Variants in LIMCH1 observed in about 807,000 individuals in gnomAD.
LIMCH1 encodes LIM and calponin homology domains 1.
A neutral mutation model predicts 176.5 loss-of-function variants in LIMCH1; 113 were observed. That is an observed-to-expected ratio of 0.64 (90% CI 0.55 to 0.75). LIMCH1 has a LOEUF of 0.75. Among genes scored for constraint, LIMCH1 ranks in the 30% least tolerant of loss-of-function variants. LIMCH1 has a pLI of 0.00. For synonymous variants in LIMCH1, 619 were observed against 645.9 expected (o/e 0.96, Z 0.63); for missense variants, 1,674 against 1,814.9 (o/e 0.92, Z 1.41).
At chr4:41,603,268 GC>G (rs2090231934) in intron 2 of LIMCH1, among the ~76,000 whole-genome samples, 1 of 148,968 alleles carries the variant, frequency 6.7e-6, no homozygotes, top group African/African-American at 2.6e-5. Context: ...TTTCGAAGTA[GC>G]TTTTTTGTTT....
chr4:41,676,514 T>A, intron 23 of LIMCH1, 52 bp downstream of exon 23: 3 of 1,266,456 alleles, frequency 2.4e-6, no homozygotes, highest in Non-Finnish European at 3.5e-6. Flanking sequence ...TCCTCTTGCT[T>A]TCCATTGCAT....
At chr4:41,471,879 C>T (rs1456881261) in intron 1 of LIMCH1, among the ~76,000 whole-genome samples, 2 of 152,174 alleles carry the variant, frequency 1.3e-5, no homozygotes, top group East Asian at 1.9e-4. Context: ...GAGCTCAGCA[C>T]GCCTTTTTGG....
chr4:41,463,261 T>A (rs2065637961), intron 1 of LIMCH1, among the ~76,000 whole-genome samples: 1 of 152,058 alleles, frequency 6.6e-6, no homozygotes, highest in African/African-American at 2.4e-5. Context: ...TAGACATGAT[T>A]GGCTTCCTAG....
intron 1 of LIMCH1, among the ~76,000 whole-genome samples, chr4:41,379,781 T>TTTTA (rs1433272812): frequency 6.6e-6 from 1 of 152,114 alleles, no homozygotes; most frequent in African/African-American, 2.4e-5. Context: ...AGGTCTAGTA[T>TTTTA]TTTATTTATT....
chr4:41,581,120 A>G (rs181241178), intron 1 of LIMCH1, among the ~76,000 whole-genome samples: 2 of 130,416 alleles, frequency 1.5e-5, no homozygotes, highest in Non-Finnish European at 3.1e-5. Context: ...CTGTCTATCT[A>G]TCTATCTATC....
intron 1 of LIMCH1, among the ~76,000 whole-genome samples, chr4:41,368,404 G>T (rs941958558): frequency 4.6e-5 from 7 of 152,184 alleles, no homozygotes; most frequent in African/African-American, 1.7e-4. Context: ...ATACAATGTG[G>T]CAGGGGGACA....
rs905499489 is a variant in LIMCH1 at position 41,599,036 on chromosome 4, G to A, written c.-134+10G>A. ...ACAGAGTAACAGTCAAGTAAGTAAA[G>A]CGTGATTTATGTTTAAGGGAAACTC... On this transcript the variant is annotated intron_variant, in intron 2 of 31. Transcript: ENST00000503057. The A allele has an allele frequency of 6.5e-7, 1 of 1,537,942 alleles. No homozygotes were observed. The highest frequency in any genetic ancestry group is 1.1e-5 in the South Asian group (1 of 88,956).
intron 4 of LIMCH1, among the ~76,000 whole-genome samples, chr4:41,610,149 A>G (rs1309444924): frequency 6.6e-6 from 1 of 152,140 alleles, no homozygotes; most frequent in Non-Finnish European, 1.5e-5. Flanking sequence ...TTTCCTTCCC[A>G]TAACTATCTG....
Position 41,689,625 on chromosome 4 carries a change from A to G in LIMCH1, c.4265A>G (p.Gln1422Arg). The change falls in exon 30 of 32, where the codon CAG (glutamine) becomes CGG (arginine). Residue 1422 changes from glutamine (Q) to arginine (R), a missense_variant. By Grantham distance (43) the Gln-to-Arg change is conservative (BLOSUM62 1). Around this residue, in one of 3 missense-constraint regions of LIMCH1, gnomAD observed 1,015 missense variants for 1,102.5 expected, o/e 0.92. Transcript: ENST00000503057. Reference sequence around the variant, plus strand: ...ACCCTCAATCTCTATTTTCACATCCAGTGTTTCAGGGTACGTACTTACTGC... The same window carrying G: ...ACCCTCAATCTCTATTTTCACATCCGGTGTTTCAGGGTACGTACTTACTGC... ...IETLNLYFHI[Q>R]CFRCGICKGQ... 1 of 1,601,116 alleles carries G rather than the reference A, an allele frequency of 6.2e-7. No individual in the cohort carries two copies. Among genetic ancestry groups the G allele is most frequent in the Non-Finnish European group, 8.6e-7 (1 of 1,168,326 alleles).
intron 1 of LIMCH1, among the ~76,000 whole-genome samples, chr4:41,478,972 C>T (rs2068148054): frequency 6.6e-6 from 1 of 151,914 alleles, no homozygotes; most frequent in South Asian, 2.1e-4. Context: ...CCCTAGCCCC[C>T]AAACATTTTA....
At chr4:41,399,685 C>CTTTTTTTTTTTTTTTTTTTT in intron 1 of LIMCH1, among the ~76,000 whole-genome samples, 1 of 95,786 alleles carries the variant, frequency 1.0e-5, no homozygotes, top group Non-Finnish European at 1.9e-5. Context: ...GGTGGATACT[C>CTTTTTTTTTTTTTTTTTTTT]TTTTTTTTTT....
intron 25 of LIMCH1, among the ~76,000 whole-genome samples, 182 bp from the exon 26 acceptor site, chr4:41,682,150 AT>A (rs1303093052): frequency 6.6e-6 from 1 of 152,208 alleles, no homozygotes; most frequent in Non-Finnish European, 1.5e-5. Context: ...TTCTAAAGAG[AT>A]TCAGATTATA....
intron 1 of LIMCH1, among the ~76,000 whole-genome samples, chr4:41,453,173 C>T (rs754725141): frequency 7.2e-5 from 11 of 152,176 alleles, no homozygotes; most frequent in Non-Finnish European, 1.3e-4. Context: ...GATTGTCCAA[C>T]CTCTTCATCT....
At chr4:41,674,040 T>C (rs530586986) in intron 22 of LIMCH1, among the ~76,000 whole-genome samples, 20 of 152,190 alleles carry the variant, frequency 1.3e-4, no homozygotes, top group Non-Finnish European at 2.6e-4. Flanking sequence ...CTGCAAATTA[T>C]CTGCAAAAGA....
intron 2 of LIMCH1, among the ~76,000 whole-genome samples, chr4:41,503,443 A>G (rs540345848): frequency 5.9e-5 from 9 of 152,208 alleles, no homozygotes; most frequent in African/African-American, 1.9e-4. Flanking sequence ...AGACCAACAA[A>G]ACCAATACAG....
At chr4:41,451,624 C>T (rs1462905885) in intron 1 of LIMCH1, among the ~76,000 whole-genome samples, 2 of 152,162 alleles carry the variant, frequency 1.3e-5, no homozygotes, top group Non-Finnish European at 1.5e-5. Context: ...AAACACTCAA[C>T]ATTGCGTCTT....
chr4:41,467,652 T>C (rs1561463776), intron 1 of LIMCH1, among the ~76,000 whole-genome samples: 1 of 152,164 alleles, frequency 6.6e-6, no homozygotes, highest in Non-Finnish European at 1.5e-5. Flanking sequence ...GAGATTTGGG[T>C]GGGGACACAG....
At chr4:41,531,915 G>A (rs2077368874) in intron 3 of LIMCH1, among the ~76,000 whole-genome samples, 1 of 152,172 alleles carries the variant, frequency 6.6e-6, no homozygotes, top group African/African-American at 2.4e-5. Context: ...GATGTTCTGT[G>A]TGAAGAAGGC....
At position 41,646,697 on chromosome 4, in the gene LIMCH1, G is replaced by T; in HGVS notation, c.2624G>T (p.Arg875Leu). Residue 875 changes from arginine to leucine, a missense_variant, in exon 17 of 32, where the codon CGG (arginine) becomes CTG (leucine). Transcript: ENST00000503057. ...GACCCCAATCCCATGAAATACCTGC[G>T]GCAACAGTCACTGCCTCCACCCAAA... ...LNDPNPMKYL[R>L]QQSLPPPKFT... The T allele has an allele frequency of 6.2e-7, 1 of 1,614,122 alleles. No homozygotes were observed. Among genetic ancestry groups the T allele is most frequent in the Middle Eastern group, 1.6e-4 (1 of 6,062 alleles).
Sources: gnomAD v4.1 joint callset for allele counts (sites outside exome capture counted in the v4.1 genomes callset) on GRCh38, gnomAD v4.1.1 for gene constraint, gnomAD v4.1.1 regional missense constraint, MANE v1.5 for transcripts, NCBI Gene and HGNC (gene_info 2026-07-23, HGNC 2026-07-21) for gene names.